Variants in RGS7 observed in about 807,000 individuals in gnomAD.
RGS7 encodes regulator of G protein signaling 7.
A neutral mutation model predicts 81.1 loss-of-function variants in RGS7; 27 were observed. The observed-to-expected ratio is 0.33, with a 90% CI of 0.25 to 0.46. RGS7 has a LOEUF of 0.46. Ranked by LOEUF, RGS7 falls within the 20% of genes least tolerant of loss-of-function variation. RGS7 has a pLI of 1.00. For missense variants in RGS7, 396 were observed against 607.4 expected (o/e 0.65, Z 3.66); for synonymous variants, 208 against 207.7 (o/e 1.00, Z -0.01).
At chr1:240,911,074 CTG>C (rs1671676298) in intron 6 of RGS7, among the ~76,000 whole-genome samples, 1 of 152,168 alleles carries the variant, frequency 6.6e-6, no homozygotes, top group Admixed American at 6.5e-5. Flanking sequence ...AGCTAAACAT[CTG>C]TGCCAGACGC....
chr1:240,912,262 A>G (rs146725017), intron 6 of RGS7, among the ~76,000 whole-genome samples: 2,258 of 151,322 alleles, frequency 0.015, 32 homozygotes, highest in Non-Finnish European at 0.024. Flanking sequence ...CTGATATGCT[A>G]TTATTTAAAA....
chr1:240,916,296 G>T, intron 6 of RGS7, among the ~76,000 whole-genome samples: 1 of 147,324 alleles, frequency 6.8e-6, no homozygotes, highest in Non-Finnish European at 1.5e-5. Flanking sequence ...AAAAAAAATA[G>T]AGAGAGAAAG....
At chr1:240,980,729 T>C (rs1257598260) in intron 4 of RGS7, among the ~76,000 whole-genome samples, 1 of 152,190 alleles carries the variant, frequency 6.6e-6, no homozygotes, top group African/African-American at 2.4e-5. Context: ...TTCAGAACAA[T>C]CATTAATGTT....
chr1:241,234,620 C>G (rs2075833043), intron 2 of RGS7, among the ~76,000 whole-genome samples: 1 of 152,072 alleles, frequency 6.6e-6, no homozygotes, highest in Non-Finnish European at 1.5e-5. Context: ...GGAGGGGAGC[C>G]TGGGTCTCCA....
rs187689488 is a variant in RGS7 at position 240,899,042 on chromosome 1, C to T, written c.386-28923G>A. On this transcript the variant is annotated intron_variant, in intron 6 of 18. Transcript: ENST00000440928. Reference sequence around the variant, plus strand: ...GATCCCTTTACCATTATGTAATGGCCTTCTTTGTCTCTTCTGATCTTTGTT... The same window carrying T: ...GATCCCTTTACCATTATGTAATGGCTTTCTTTGTCTCTTCTGATCTTTGTT... Among the ~76,000 whole-genome samples the T allele has an allele frequency of 9.0e-3, 1,363 of 152,186 alleles. 12 individuals are homozygous for T. Among genetic ancestry groups the T allele is most frequent in the Non-Finnish European group, 0.014 (983 of 68,006 alleles).
intron 2 of RGS7, among the ~76,000 whole-genome samples, chr1:241,272,412 TGCC>T (rs1415358832): frequency 6.6e-6 from 1 of 152,206 alleles, no homozygotes; most frequent in African/African-American, 2.4e-5. Flanking sequence ...TCCTCAAACA[TGCC>T]AGGATTACTA....
rs1041244601 is a variant in RGS7 at position 241,163,424 on chromosome 1, C to T, written c.79-64662G>A. On this transcript the variant is annotated intron_variant, in intron 2 of 18. Coordinates refer to ENST00000440928, the MANE Select transcript of RGS7 (RefSeq NM_001364886.1). The surrounding 1 kb of genome is among the most constrained non-coding windows in gnomAD (Gnocchi z 4.6). ...GTAGCCATGCAAAGCTGTCTTTTGTCGGGGAGATACACATCTGCAGAGAAA... is the reference window on the plus strand; with the variant it reads ...GTAGCCATGCAAAGCTGTCTTTTGTTGGGGAGATACACATCTGCAGAGAAA... Among the ~76,000 whole-genome samples, 4 of 152,260 alleles carry T rather than the reference C, an allele frequency of 2.6e-5. No homozygotes were observed. The highest frequency in any genetic ancestry group is 2.1e-4 in the South Asian group (1 of 4,824).
intron 3 of RGS7, among the ~76,000 whole-genome samples, chr1:241,010,300 C>T (rs1558591901): frequency 6.6e-6 from 1 of 152,180 alleles, no homozygotes; most frequent in East Asian, 1.9e-4. Context: ...GGTACCAGTC[C>T]ACAGTCTGGA....
At chr1:241,220,333 T>C (rs1032160101) in intron 2 of RGS7, among the ~76,000 whole-genome samples, 4 of 152,212 alleles carry the variant, frequency 2.6e-5, no homozygotes, top group Non-Finnish European at 4.4e-5. Flanking sequence ...CACTTAAAGA[T>C]CTTTTTAAAA....
chr1:241,312,534 T>C (rs986550902), intron 2 of RGS7, among the ~76,000 whole-genome samples: 5 of 152,176 alleles, frequency 3.3e-5, no homozygotes, highest in African/African-American at 1.2e-4. Flanking sequence ...CTGTGATCAG[T>C]GATCTTTGAT....
chr1:241,221,042 A>AGG (rs2074946501), intron 2 of RGS7, among the ~76,000 whole-genome samples: 1 of 79,694 alleles, frequency 1.3e-5, no homozygotes, highest in Non-Finnish European at 3.1e-5. Flanking sequence ...AGGAAGGAAA[A>AGG]GAAAGAAAGA....
At chr1:241,350,618 T>C (rs1276291459) in intron 2 of RGS7, among the ~76,000 whole-genome samples, 2 of 151,560 alleles carry the variant, frequency 1.3e-5, no homozygotes, top group Non-Finnish European at 2.9e-5. Flanking sequence ...TCAAAAATGT[T>C]AAAGATCAAC....
chr1:241,259,667 A>AAAAAAAAAAAAAAAAAAATAT, intron 2 of RGS7, among the ~76,000 whole-genome samples: 61 of 49,126 alleles, frequency 1.2e-3, no homozygotes, highest in Non-Finnish European at 1.9e-3. Flanking sequence ...AAAAAAAAAA[A>AAAAAAAAAAAAAAAAAAATAT]ATATATATAT....
rs1166526470 is a variant in RGS7, at chr1:240,888,801, T to C, written c.386-18682A>G. ...GGAGGCGACAGTCAAAGCCAGGCAT[T>C]AGACCGGAATCGACTCAGTTAACCA... is the stretch of plus-strand genomic sequence containing the variant. On this transcript the variant is annotated intron_variant, in intron 6 of 18. Coordinates refer to ENST00000440928, the MANE Select transcript of RGS7 (RefSeq NM_001364886.1). Among the ~76,000 whole-genome samples the C allele has an allele frequency of 6.6e-5, 10 of 152,140 alleles. No homozygotes were observed. The East Asian group carries it at 7.7e-4, about 12-fold the overall frequency.
chr1:241,195,265 CA>C (rs1399860324), intron 2 of RGS7, among the ~76,000 whole-genome samples: 1 of 152,126 alleles, frequency 6.6e-6, no homozygotes, highest in Non-Finnish European at 1.5e-5. Flanking sequence ...CACCTGAGGT[CA>C]GGAGTTCGAG....
At chr1:241,213,165 A>G (rs546653599) in intron 2 of RGS7, among the ~76,000 whole-genome samples, 1 of 152,246 alleles carries the variant, frequency 6.6e-6, no homozygotes, top group Admixed American at 6.5e-5. Context: ...CGACTCACTG[A>G]TAGATAATGT....
intron 9 of RGS7, among the ~76,000 whole-genome samples, chr1:240,841,430 T>A (rs1302009261): frequency 1.3e-5 from 2 of 152,204 alleles, no homozygotes; most frequent in Non-Finnish European, 2.9e-5. Flanking sequence ...CTGAGCCATA[T>A]TATACAACCA....
rs1398038430 is a variant in RGS7, at chr1:240,898,495, T to C, written c.386-28376A>G. 2.6e-5 allele frequency among the ~76,000 whole-genome samples: 4 copies of C among 152,312 alleles called. No individual in the cohort carries two copies. In the South Asian group the frequency reaches 6.2e-4, roughly 24 times the overall value. On this transcript the variant is annotated intron_variant, in intron 6 of 18. Transcript: ENST00000440928. ...CTGGTATGTTGTGTCTTTGTTCTCA[T>C]TGGTTTCAAAGAACATCTTTATTTC... is the stretch of plus-strand genomic sequence containing the variant.
At position 241,163,684 on chromosome 1, in the gene RGS7, C is replaced by T. The variant is rs2069926478; in HGVS notation, c.79-64922G>A. Among the ~76,000 whole-genome samples, 1 of 152,202 alleles carries T rather than the reference C, an allele frequency of 6.6e-6. No homozygotes were observed. The highest frequency in any genetic ancestry group is 1.5e-5 in the Non-Finnish European group (1 of 68,038). ...AACCTGTTTTGCCACAATCCAAGCC[C>T]CCATTCTTTCTGCAACCTCAAGATG... On this transcript the variant is annotated intron_variant, in intron 2 of 18. Coordinates refer to ENST00000440928, the MANE Select transcript of RGS7 (RefSeq NM_001364886.1). This position sits in a 1 kb window ranked among gnomAD's most constrained non-coding sequence, Gnocchi z 4.6.
Sources: gnomAD v4.1 joint callset for allele counts (sites outside exome capture counted in the v4.1 genomes callset) on GRCh38, gnomAD v4.1.1 for gene constraint, Gnocchi (gnomAD v3.1) non-coding constraint, MANE v1.5 for transcripts, NCBI Gene and HGNC (gene_info 2026-07-23, HGNC 2026-07-21) for gene names.